The following JAKMIP2 variants were observed in gnomAD, a reference collection of about 807,000 sequenced individuals.
The protein encoded by JAKMIP2 is janus kinase and microtubule-interacting protein 2.
A neutral mutation model predicts 115.0 loss-of-function variants in JAKMIP2; 25 were observed. The observed-to-expected ratio is 0.22, with a 90% confidence interval of 0.16 to 0.30. The LOEUF (loss-of-function observed/expected upper bound fraction) is 0.30. JAKMIP2 is among the 10% of genes least tolerant of loss of function. JAKMIP2 has a pLI of 1.00. For synonymous variants in JAKMIP2, 334 were observed against 343.6 expected, an observed-to-expected ratio of 0.97 and a Z score of 0.31; for missense variants, 642 against 957.6, an observed-to-expected ratio of 0.67 and a Z score of 4.35.
At chr5:147,746,422 G>A (rs1241416055) in intron 1 of JAKMIP2, among the ~76,000 whole-genome samples, 1 of 151,852 alleles carries the variant, frequency 6.6e-6, no homozygotes, top group Non-Finnish European at 1.5e-5. Flanking sequence ...GCCCTTCTGG[G>A]ACTTTAGGTT....
At chr5:147,651,203 AG>A (rs1758379587) in intron 3 of JAKMIP2, among the ~76,000 whole-genome samples, 2 of 152,220 alleles carry the variant, frequency 1.3e-5, no homozygotes, top group South Asian at 4.1e-4. Flanking sequence ...TGGGATTAAC[AG>A]GAATAGAAAA....
chr5:147,733,643 C>T (rs570183118), intron 1 of JAKMIP2, among the ~76,000 whole-genome samples: 102 of 152,106 alleles, frequency 6.7e-4, no homozygotes, highest in Middle Eastern at 6.8e-3. Context: ...GGCCCCGGTG[C>T]GTGATGTCCC....
chr5:147,702,334 G>GACTAC (rs5872038), intron 1 of JAKMIP2, among the ~76,000 whole-genome samples: 62,727 of 147,138 alleles, frequency 0.43, 14,123 homozygotes, highest in East Asian at 0.68. Flanking sequence ...ACGGATAAAA[G>GACTAC]ACATTGAGTA....
In JAKMIP2 at chr5:147,604,832, TATTATTATTATA is replaced by T. The variant is rs1423121583; in HGVS notation, c.2413-3033_2413-3022del. 8.4e-4 allele frequency among the ~76,000 whole-genome samples: 106 copies of T among 126,816 alleles called. 1 individual carries two copies. The highest frequency in any genetic ancestry group is 3.0e-3 in the African/African-American group (99 of 32,686). The allele number at this position is 126,816 out of a possible 152,430, so 83.2% of individuals were successfully genotyped here. On this transcript the variant is annotated intron_variant, in intron 20 of 21. Coordinates refer to ENST00000616793, the MANE Select transcript of JAKMIP2 (RefSeq NM_001270941.2). Reference sequence around the variant, plus strand: ...TTATTATTATTATTATTATTATTATTATTATTATTATACTTTAAGTTCTGGGATATATGCGCA... The same window carrying T: ...TTATTATTATTATTATTATTATTATTCTTTAAGTTCTGGGATATATGCGCA...
At position 147,636,330 on chromosome 5, in the gene JAKMIP2, G is replaced by A. The variant is rs370585379; in HGVS notation, c.1615-46C>T. The A allele has an allele frequency of 5.2e-5, 79 of 1,505,426 alleles. No individual in the cohort carries two copies. The East Asian group carries it at 1.5e-3, about 28-fold the overall frequency. The allele number at this position is 1,505,426 out of a possible 1,614,324, so 93.3% of individuals were successfully genotyped here. On this transcript the variant is annotated intron_variant, in intron 11 of 21. Coordinates refer to ENST00000616793, the MANE Select transcript of JAKMIP2 (RefSeq NM_001270941.2). ...CGCAGTCAGCATTTCAGAGTGGCAC[G>A]AAAGAGCCTGTGTTGTCAAACCACT...
At chr5:147,616,650 G>A (rs1756596906) in intron 19 of JAKMIP2, among the ~76,000 whole-genome samples, 1 of 152,122 alleles carries the variant, frequency 6.6e-6, no homozygotes, top group South Asian at 2.1e-4. Flanking sequence ...AATGCATGAA[G>A]CAATGCAATG....
At chr5:147,772,997 T>C (rs975519654) in intron 1 of JAKMIP2, among the ~76,000 whole-genome samples, 37 of 152,120 alleles carry the variant, frequency 2.4e-4, no homozygotes, top group African/African-American at 8.9e-4. Flanking sequence ...AAGGAAGTTG[T>C]TCTGTTTTGT....
chr5:147,748,806 C>T (rs371760285), intron 1 of JAKMIP2, among the ~76,000 whole-genome samples: 4 of 152,192 alleles, frequency 2.6e-5, no homozygotes, highest in African/African-American at 9.7e-5. Flanking sequence ...TCTGACCAAT[C>T]TTTTGTGCCC....
In JAKMIP2 at chr5:147,589,677, G is replaced by A. The variant is rs1293015481; in HGVS notation, c.*2030C>T. ...GCTGGGAGATGCTTATCATAGAAAT[G>A]ACACACTCTTCTATCTTGTTCAATA... On this transcript the variant is annotated 3_prime_UTR_variant, in exon 22 of 22. Coordinates refer to ENST00000616793, the MANE Select transcript of JAKMIP2 (RefSeq NM_001270941.2). The A allele has an allele frequency of 1.3e-5, 2 of 152,122 alleles. No homozygotes were observed. Among genetic ancestry groups the A allele is most frequent in the Admixed American group, 1.3e-4 (2 of 15,278 alleles). 9.4% of individuals were successfully genotyped at this position (152,122 alleles called of 1,614,324 possible).
rs1751945666 is a variant in JAKMIP2, at chr5:147,693,022, AC to A, written c.-148-21069del. On this transcript the variant is annotated intron_variant, in intron 1 of 21. Coordinates refer to ENST00000616793, the MANE Select transcript of JAKMIP2 (RefSeq NM_001270941.2). ...ATGTGTGCCACCAATTTTGTATATG[AC>A]CTAAAATTGTAAACAATTTTTATTT... Among the ~76,000 whole-genome samples the A allele has an allele frequency of 2.0e-5, 3 of 152,242 alleles. No individual in the cohort carries two copies. The South Asian group carries it at 6.2e-4, about 31-fold the overall frequency.
At chr5:147,697,828 C>T (rs913279639) in intron 1 of JAKMIP2, among the ~76,000 whole-genome samples, 12 of 152,296 alleles carry the variant, frequency 7.9e-5, no homozygotes, top group African/African-American at 1.7e-4. Flanking sequence ...GCTGCAGGGG[C>T]GGAGTCCTCA....
intron 1 of JAKMIP2, among the ~76,000 whole-genome samples, chr5:147,729,667 G>A (rs1235986590): frequency 4.0e-5 from 6 of 151,838 alleles, no homozygotes; most frequent in African/African-American, 1.5e-4. Flanking sequence ...CCAGCTACTC[G>A]GGAGGCTGAG....
chr5:147,677,226 T>C (rs1760016269), intron 1 of JAKMIP2, among the ~76,000 whole-genome samples: 1 of 152,190 alleles, frequency 6.6e-6, no homozygotes, highest in African/African-American at 2.4e-5. Flanking sequence ...GTGATGCTCT[T>C]GCACAGCTCA....
At chr5:147,685,474 C>A (rs7726900) in intron 1 of JAKMIP2, among the ~76,000 whole-genome samples, 28,534 of 152,024 alleles carry the variant, frequency 0.19, 3,453 homozygotes, top group African/African-American at 0.34. Flanking sequence ...ATAGATTGTG[C>A]AAAATTGTAG....
chr5:147,717,772 T>A (rs1164451644), intron 1 of JAKMIP2, among the ~76,000 whole-genome samples: 2 of 140,402 alleles, frequency 1.4e-5, no homozygotes, highest in Non-Finnish European at 3.1e-5. Flanking sequence ...TTTCTAGATA[T>A]ACAATCATGT....
intron 1 of JAKMIP2, among the ~76,000 whole-genome samples, chr5:147,775,984 C>A (rs1755539259): frequency 6.6e-6 from 1 of 152,020 alleles, no homozygotes; most frequent in Admixed American, 6.5e-5. Context: ...ACACAGGTTG[C>A]AGAGAGTAAA....
chr5:147,634,337 T>C (rs1757508739), intron 12 of JAKMIP2, among the ~76,000 whole-genome samples: 1 of 152,086 alleles, frequency 6.6e-6, no homozygotes, highest in Admixed American at 6.5e-5. Flanking sequence ...TAAAGAAATA[T>C]AATAACACTT....
chr5:147,738,873 G>A (rs1484107448), intron 1 of JAKMIP2, among the ~76,000 whole-genome samples: 1 of 152,098 alleles, frequency 6.6e-6, no homozygotes, highest in Non-Finnish European at 1.5e-5. Context: ...TAAGACCCAA[G>A]ATATAACAGA....
Position 147,751,359 on chromosome 5 carries a change from A to G in JAKMIP2, c.-149+31097T>C, listed in dbSNP as rs145321326. On this transcript the variant is annotated intron_variant, in intron 1 of 21. Transcript: ENST00000616793. The stretch of plus-strand genomic sequence containing the variant: ...GTGATCCGCCCTCCTCCGCCTCCCA[A>G]CGTGCTGGGATTTCAGGCGTGAGCC... 3.6e-3 allele frequency among the ~76,000 whole-genome samples: 542 copies of G among 150,750 alleles called. 24 individuals carry two copies. In the East Asian group the frequency reaches 0.086, roughly 24 times the overall value.
Sources: allele counts gnomAD v4.1 joint callset (sites outside exome capture counted in the v4.1 genomes callset), GRCh38; gene constraint gnomAD v4.1.1; transcripts MANE v1.5; gene names NCBI Gene and HGNC (gene_info 2026-07-23, HGNC 2026-07-21).